Variants in PCDH9 observed in about 807,000 individuals in gnomAD.
PCDH9 encodes protocadherin 9.
A neutral mutation model predicts 70.6 loss-of-function variants in PCDH9; 24 were observed. The observed-to-expected ratio is 0.34, with a 90% CI of 0.25 to 0.48. PCDH9 has a LOEUF of 0.48. Among genes scored for constraint, PCDH9 ranks in the 20% least tolerant of loss-of-function variants. The pLI, the probability that PCDH9 is intolerant of heterozygous loss-of-function variation, is 0.99. For synonymous variants in PCDH9, 562 were observed against 558.5 expected (o/e 1.01, Z -0.09); for missense variants, 1,281 against 1,503.6 (o/e 0.85, Z 2.45).
chr13:66,404,827 A>T (rs1020141770), intron 4 of PCDH9, among the ~76,000 whole-genome samples: 1 of 151,892 alleles, frequency 6.6e-6, no homozygotes, highest in African/African-American at 2.4e-5. Flanking sequence ...TCACATTAAG[A>T]TATACTTACT....
intron 2 of PCDH9, among the ~76,000 whole-genome samples, chr13:66,958,586 C>CA (rs375141682): frequency 2.0e-5 from 3 of 151,542 alleles, no homozygotes; most frequent in African/African-American, 4.8e-5. Context: ...ATCACATTAC[C>CA]AAAAAAAATC....
intron 3 of PCDH9, among the ~76,000 whole-genome samples, chr13:66,645,528 T>A (rs2077759504): frequency 6.6e-6 from 1 of 151,842 alleles, no homozygotes; most frequent in African/African-American, 2.4e-5. Context: ...AAATTATGAG[T>A]CCTTATAAAA....
intron 4 of PCDH9, among the ~76,000 whole-genome samples, chr13:66,546,784 A>C (rs2138670206): frequency 6.6e-6 from 1 of 152,290 alleles, no homozygotes; most frequent in South Asian, 2.1e-4. Flanking sequence ...GTATAAATGT[A>C]ACATTTTTTA....
chr13:66,952,909 C>A (rs1329059948), intron 2 of PCDH9, among the ~76,000 whole-genome samples: 2 of 152,192 alleles, frequency 1.3e-5, no homozygotes, highest in Non-Finnish European at 2.9e-5. Flanking sequence ...CTGGAGGCTA[C>A]ACATCTTCCT....
chr13:66,750,989 G>A (rs1177392532), intron 3 of PCDH9, among the ~76,000 whole-genome samples: 3 of 151,984 alleles, frequency 2.0e-5, no homozygotes, highest in Admixed American at 6.6e-5. Context: ...TATCAGAAAC[G>A]GGCCATTTTA....
chr13:67,087,866 T>G (rs890787094), intron 2 of PCDH9, among the ~76,000 whole-genome samples: 4 of 152,106 alleles, frequency 2.6e-5, no homozygotes, highest in African/African-American at 7.2e-5. Context: ...CAGCTATTAT[T>G]TATGAGAGAA....
At chr13:66,867,232 C>T (rs910357986) in intron 3 of PCDH9, among the ~76,000 whole-genome samples, 10 of 152,020 alleles carry the variant, frequency 6.6e-5, no homozygotes, top group African/African-American at 2.4e-4. Flanking sequence ...GTTAAAATCC[C>T]ATTATACTAT....
In PCDH9 at chr13:66,304,667, C is replaced by T. The variant is rs568207698; in HGVS notation, c.3702G>A (p.Glu1234=). The change falls in exon 5 of 5, where the codon GAG becomes GAA. Residue 1234 remains glutamate (E), a synonymous_variant. Coordinates refer to ENST00000377865, the MANE Select transcript of PCDH9 (RefSeq NM_203487.3). ...QAGGATESPK[E]HQL is the part of the protein sequence containing the mutation. ...ATATAGCCTTTTCTTAGAGTTGGTG[C>T]TCCTTAGGACTCTCAGTAGCACCTC... The T allele has an allele frequency of 2.4e-5, 38 of 1,612,684 alleles. No individual in the cohort carries two copies. The highest frequency in any genetic ancestry group is 3.3e-5 in the Admixed American group (2 of 59,896).
intron 3 of PCDH9, among the ~76,000 whole-genome samples, chr13:66,893,523 A>G (rs913376518): frequency 2.0e-5 from 3 of 152,176 alleles, no homozygotes; most frequent in Admixed American, 6.6e-5. Flanking sequence ...TTTTACCTTT[A>G]GTTTAATCAA....
intron 3 of PCDH9, among the ~76,000 whole-genome samples, chr13:66,688,662 T>C (rs1428760618): frequency 6.6e-6 from 1 of 152,152 alleles, no homozygotes; most frequent in African/African-American, 2.4e-5. Context: ...TTATCTAATC[T>C]AATTCAGTTT....
intron 2 of PCDH9, among the ~76,000 whole-genome samples, chr13:66,990,377 T>C (rs1170583643): frequency 1.3e-5 from 2 of 151,710 alleles, no homozygotes; most frequent in African/African-American, 4.8e-5. Context: ...CTCAAAAGAA[T>C]ATAACATTTT....
chr13:66,647,329 C>G (rs1566479679), intron 3 of PCDH9, among the ~76,000 whole-genome samples: 1 of 152,114 alleles, frequency 6.6e-6, no homozygotes, highest in African/African-American at 2.4e-5. Context: ...GTAAACAGGA[C>G]TTTGTCTTGC....
intron 4 of PCDH9, among the ~76,000 whole-genome samples, chr13:66,319,477 T>A (rs1467808140): frequency 2.0e-5 from 3 of 151,026 alleles, no homozygotes; most frequent in African/African-American, 7.4e-5. Flanking sequence ...TGAGGTGCCA[T>A]GGCTTGAGCA....
At chr13:66,846,223 A>T (rs2081207078) in intron 3 of PCDH9, among the ~76,000 whole-genome samples, 1 of 152,148 alleles carries the variant, frequency 6.6e-6, no homozygotes, top group Non-Finnish European at 1.5e-5. Flanking sequence ...ATATTTAGAA[A>T]ATGATTTGTA....
chr13:66,959,564 G>A (rs997653002), intron 2 of PCDH9, among the ~76,000 whole-genome samples: 4 of 151,838 alleles, frequency 2.6e-5, no homozygotes, highest in African/African-American at 9.7e-5. Context: ...ACCAGCCTGG[G>A]CAACATGGCA....
rs780469632 is a variant in PCDH9 at position 67,227,918 on chromosome 13, C to T, written c.523G>A (p.Gly175Ser). Residue 175 changes from glycine (G) to serine (S), a missense_variant, in exon 2 of 5, where the codon GGT (glycine) becomes AGT (serine). Coordinates refer to ENST00000377865, the MANE Select transcript of PCDH9 (RefSeq NM_203487.3). This position sits in a 1 kb window ranked among gnomAD's most constrained non-coding sequence, Gnocchi z 4.6. The part of the protein sequence containing the change: ...SATDPDTGFN[G>S]VQHYELLNGQ... ...TTTAACAATTCATAATGCTGTACAC[C>T]ATTGAAGCCTGTGTCAGGATCTGTT... 6.2e-7 allele frequency: 1 copy of T among 1,614,128 alleles called. No homozygotes were observed. Among genetic ancestry groups the T allele is most frequent in the East Asian group, 2.2e-5 (1 of 44,880 alleles).
chr13:66,945,170 G>C (rs929666707), intron 2 of PCDH9, among the ~76,000 whole-genome samples: 1 of 151,784 alleles, frequency 6.6e-6, no homozygotes, highest in African/African-American at 2.4e-5. Flanking sequence ...GTTGCTCTGA[G>C]CCAGCTTTTA....
intron 2 of PCDH9, among the ~76,000 whole-genome samples, chr13:66,949,530 TAG>T (rs948759626): frequency 3.5e-4 from 53 of 151,942 alleles, no homozygotes; most frequent in African/African-American, 1.2e-3. Flanking sequence ...GGGATGTGAC[TAG>T]AGGGGCAAGC....
At chr13:66,980,742 G>GTTTTTTTT (rs550869529) in intron 2 of PCDH9, among the ~76,000 whole-genome samples, 1 of 107,384 alleles carries the variant, frequency 9.3e-6, no homozygotes, top group African/African-American at 3.6e-5. Context: ...TTTTTTTTTT[G>GTTTTTTTT]TTTTTTTTTT....
Sources: gnomAD v4.1 joint callset for allele counts (sites outside exome capture counted in the v4.1 genomes callset) on GRCh38, gnomAD v4.1.1 for gene constraint, Gnocchi (gnomAD v3.1) non-coding constraint, MANE v1.5 for transcripts, NCBI Gene and HGNC (gene_info 2026-07-23, HGNC 2026-07-21) for gene names.